BNC2: variants seen among roughly 807,000 people sequenced by gnomAD.
BNC2 encodes zinc finger protein basonuclin-2.
Under a neutral mutation model 76.3 loss-of-function variants are expected in BNC2, and 20 were observed. The ratio of observed to expected loss-of-function variants is 0.26; its 90% CI spans 0.18 to 0.38. The LOEUF (loss-of-function observed/expected upper bound fraction) is 0.38, where lower values mean the gene tolerates loss of function less well. BNC2 is among the 10% of genes least tolerant of loss of function. The pLI is 1.00. For missense variants in BNC2, 1,382 were observed against 1,399.8 expected (o/e 0.99, Z 0.20); for synonymous variants, 582 against 514.8 (o/e 1.13, Z -1.77).
intron 5 of BNC2, among the ~76,000 whole-genome samples, chr9:16,465,293 A>C (rs1400028307): frequency 6.6e-6 from 1 of 152,050 alleles, no homozygotes; most frequent in East Asian, 1.9e-4. Flanking sequence ...AAAATTAGCC[A>C]GGTGTGGTGG....
At chr9:16,865,111 G>A (rs1431397338) in intron 1 of BNC2, among the ~76,000 whole-genome samples, 1 of 150,432 alleles carries the variant, frequency 6.6e-6, no homozygotes, top group Non-Finnish European at 1.5e-5. Context: ...CATTATAAGA[G>A]AAAAATGTTT....
At chr9:16,728,654 T>C (rs550686430) in intron 2 of BNC2, among the ~76,000 whole-genome samples, 1 of 151,910 alleles carries the variant, frequency 6.6e-6, no homozygotes, top group South Asian at 2.1e-4. Flanking sequence ...TGTGCTGGGC[T>C]ATTTATAACC....
At chr9:16,743,359 T>G (rs1341630245) in intron 1 of BNC2, among the ~76,000 whole-genome samples, 1 of 152,144 alleles carries the variant, frequency 6.6e-6, no homozygotes, top group African/African-American at 2.4e-5. Context: ...ACAGACACCC[T>G]GTGCTCTGTC....
chr9:16,629,354 C>G (rs907795114), intron 3 of BNC2, among the ~76,000 whole-genome samples: 4 of 152,162 alleles, frequency 2.6e-5, no homozygotes, highest in African/African-American at 9.7e-5. Flanking sequence ...CCAGAAGACT[C>G]ACTACATTCA....
chr9:16,789,377 A>G (rs1398829468), intron 1 of BNC2, among the ~76,000 whole-genome samples: 2 of 152,140 alleles, frequency 1.3e-5, no homozygotes, highest in African/African-American at 4.8e-5. Context: ...TTATACCTTA[A>G]TTTAAAAGAA....
chr9:16,848,938 T>C (rs1001346035), intron 1 of BNC2, among the ~76,000 whole-genome samples: 1 of 152,106 alleles, frequency 6.6e-6, no homozygotes, highest in African/African-American at 2.4e-5. Context: ...ATAAAATATA[T>C]AAGAAAAATT....
At chr9:16,729,878 G>A (rs1262396840) in intron 2 of BNC2, among the ~76,000 whole-genome samples, 6 of 152,040 alleles carry the variant, frequency 3.9e-5, no homozygotes, top group Non-Finnish European at 7.4e-5. Flanking sequence ...TTATTTGTGG[G>A]AGGCTTAAGG....
intron 5 of BNC2, among the ~76,000 whole-genome samples, chr9:16,463,724 T>C (rs1221513641): frequency 6.6e-6 from 1 of 152,142 alleles, no homozygotes; most frequent in East Asian, 1.9e-4. Context: ...GAGATTATTT[T>C]CTAATTCCTC....
intron 5 of BNC2, among the ~76,000 whole-genome samples, chr9:16,491,378 G>C (rs1055089186): frequency 5.7e-4 from 87 of 152,180 alleles, no homozygotes; most frequent in Non-Finnish European, 2.6e-4. Context: ...CTCAAATGAA[G>C]AGGAACATGC....
At chr9:16,617,494 G>A (rs1433875094) in intron 3 of BNC2, among the ~76,000 whole-genome samples, 1 of 148,160 alleles carries the variant, frequency 6.7e-6, no homozygotes, top group Admixed American at 6.8e-5. Context: ...GCCCTGTAGA[G>A]CCAGCTCCTC....
chr9:16,526,114 T>A (rs956786746), intron 5 of BNC2, among the ~76,000 whole-genome samples: 4 of 152,164 alleles, frequency 2.6e-5, no homozygotes, highest in Non-Finnish European at 4.4e-5. Flanking sequence ...TTGTTTTTGT[T>A]CTCCCTAAAA....
intron 6 of BNC2, chr9:16,435,092 T>C (rs760127395): frequency 2.1e-6 from 1 of 471,318 alleles, no homozygotes; most frequent in Non-Finnish European, 4.4e-6. Context: ...ATCCGTAAAT[T>C]TCTGTTTCTA....
At chr9:16,799,074 T>C (rs2135733856) in intron 1 of BNC2, among the ~76,000 whole-genome samples, 1 of 152,294 alleles carries the variant, frequency 6.6e-6, no homozygotes, top group African/African-American at 2.4e-5. Flanking sequence ...GGCCAGTGCT[T>C]GTCTCCTTAG....
At chr9:16,553,850 A>T (rs1040835443) in intron 4 of BNC2, among the ~76,000 whole-genome samples, 15 of 152,226 alleles carry the variant, frequency 9.9e-5, no homozygotes, top group African/African-American at 3.6e-4. Context: ...ACACTGTCTT[A>T]TCTGTAGGGC....
rs1484289233 is a variant in BNC2, at chr9:16,752,965, C to A, written c.4-14480G>T. The stretch of plus-strand genomic sequence containing the variant: ...TTTAATATGATTAAAACTTACAGAA[C>A]TGCACAGAGCCTAATGTCAGGATGT... On this transcript the variant is annotated intron_variant, in intron 1 of 6. Coordinates refer to ENST00000380672, the MANE Select transcript of BNC2 (RefSeq NM_017637.6). Among the ~76,000 whole-genome samples the A allele has an allele frequency of 2.0e-5, 3 of 152,162 alleles. No individual in the cohort carries two copies. In the East Asian group the frequency reaches 5.8e-4, roughly 29 times the overall value.
intron 3 of BNC2, among the ~76,000 whole-genome samples, chr9:16,647,888 T>G (rs1485885865): frequency 6.6e-6 from 1 of 152,180 alleles, no homozygotes; most frequent in Non-Finnish European, 1.5e-5. Context: ...ATGAACTATA[T>G]TTCTAATCTT....
In BNC2 at chr9:16,659,975, T is replaced by C. The variant is rs73421469; in HGVS notation, c.330+67822A>G. Among the ~76,000 whole-genome samples the C allele has an allele frequency of 4.8e-3, 735 of 152,378 alleles. 6 individuals are homozygous for C. The highest frequency in any genetic ancestry group is 0.017 in the African/African-American group (694 of 41,584). On this transcript the variant is annotated intron_variant, in intron 3 of 6. Transcript: ENST00000380672. ...CAAATAGATGCCTGAAACAGAATTA[T>C]ATGTTCAGTTAATATCTGTATTCAG... is the stretch of plus-strand genomic sequence containing the variant.
At chr9:16,452,297 C>CA (rs778433764) in intron 5 of BNC2, among the ~76,000 whole-genome samples, 3 of 152,020 alleles carry the variant, frequency 2.0e-5, no homozygotes, top group Admixed American at 6.6e-5. Flanking sequence ...TCCCAGTGTA[C>CA]AAAAAATCAG....
At chr9:16,859,917 G>A (rs1456234381) in intron 1 of BNC2, among the ~76,000 whole-genome samples, 1 of 152,114 alleles carries the variant, frequency 6.6e-6, no homozygotes, top group Non-Finnish European at 1.5e-5. Flanking sequence ...GTCAAGAGTT[G>A]GAGAACAGTC....
Sources: allele counts gnomAD v4.1 joint callset (sites outside exome capture counted in the v4.1 genomes callset), GRCh38; gene constraint gnomAD v4.1.1; transcripts MANE v1.5; gene names NCBI Gene and HGNC (gene_info 2026-07-23, HGNC 2026-07-21).